RAP1A: variants seen among roughly 807,000 people sequenced by gnomAD.
The protein encoded by RAP1A is ras-related protein Rap-1A.
RAP1A carries 6 observed loss-of-function variants against 26.4 expected under a neutral mutation model. The ratio of observed to expected loss-of-function variants is 0.23; its 90% CI spans 0.12 to 0.45. The LOEUF (loss-of-function observed/expected upper bound fraction) is 0.45, where lower values mean the gene tolerates loss of function less well. Ranked by LOEUF, RAP1A falls within the 20% of genes least tolerant of loss-of-function variation. The pLI is 0.99. For synonymous variants in RAP1A, 73 were observed against 79.4 expected (o/e 0.92, Z 0.43); for missense variants, 121 against 217.2 (o/e 0.56, Z 2.78).
At chr1:111,641,350 G>T (rs551605042) in intron 1 of RAP1A, among the ~76,000 whole-genome samples, 4 of 152,254 alleles carry the variant, frequency 2.6e-5, no homozygotes, top group Non-Finnish European at 5.9e-5. Flanking sequence ...CTCCTTGAGA[G>T]GAGAGAACGT....
chr1:111,684,474 A>G (rs1216973751), intron 1 of RAP1A, among the ~76,000 whole-genome samples: 1 of 152,210 alleles, frequency 6.6e-6, no homozygotes, highest in Non-Finnish European at 1.5e-5. Context: ...ATGTGCAAAA[A>G]TCACAAACAT....
chr1:111,605,611 T>C (rs543419161), intron 1 of RAP1A, among the ~76,000 whole-genome samples: 17 of 152,336 alleles, frequency 1.1e-4, no homozygotes, highest in Non-Finnish European at 1.8e-4. Context: ...AAGATGTTTC[T>C]GTCTTGGTAG....
At chr1:111,618,345 A>C (rs573895906), upstream of RAP1A, among the ~76,000 whole-genome samples, 1 of 152,308 alleles carries the variant, frequency 6.6e-6, no homozygotes, top group East Asian at 1.9e-4. Context: ...GCAGTATCTG[A>C]TAAGACTCTT....
intron 2 of RAP1A, among the ~76,000 whole-genome samples, chr1:111,695,078 C>T (rs1661784354): frequency 6.6e-6 from 1 of 151,880 alleles, no homozygotes; most frequent in Non-Finnish European, 1.5e-5. Context: ...TATTTGTATC[C>T]TTGTATATTA....
intron 1 of RAP1A, among the ~76,000 whole-genome samples, chr1:111,652,887 T>C (rs1162573196): frequency 6.6e-6 from 1 of 152,136 alleles, no homozygotes; most frequent in East Asian, 1.9e-4. Flanking sequence ...AAGAAAAATA[T>C]AGAGTTATCT....
chr1:111,675,705 A>G (rs980166910), intron 1 of RAP1A, among the ~76,000 whole-genome samples: 7 of 152,212 alleles, frequency 4.6e-5, no homozygotes, highest in African/African-American at 1.7e-4. Context: ...ATTCAGAATA[A>G]TGATATTTGC....
intron 1 of RAP1A, among the ~76,000 whole-genome samples, chr1:111,678,157 C>A (rs1028493152): frequency 9.2e-5 from 14 of 152,280 alleles, no homozygotes; most frequent in Admixed American, 9.1e-4. Context: ...GTTATCTTGT[C>A]AGTTTCTACA....
intron 1 of RAP1A, among the ~76,000 whole-genome samples, chr1:111,548,329 T>A (rs1411201048): frequency 6.6e-6 from 1 of 152,204 alleles, no homozygotes; most frequent in Non-Finnish European, 1.5e-5. Context: ...CATGGACCAC[T>A]TTTTACCTCT....
At chr1:111,575,826 T>C (rs1658137988) in intron 1 of RAP1A, among the ~76,000 whole-genome samples, 2 of 152,312 alleles carry the variant, frequency 1.3e-5, no homozygotes, top group South Asian at 4.1e-4. Flanking sequence ...GGCATTTTGT[T>C]ATAGCAGCCT....
In RAP1A at chr1:111,713,104, G is replaced by A. The variant is rs868298086; in HGVS notation, c.*703G>A. The A allele has an allele frequency of 5.9e-5, 9 of 152,606 alleles. No homozygotes were observed. In the South Asian group the frequency reaches 1.7e-3, roughly 28 times the overall value. 9.5% of individuals were successfully genotyped at this position (152,606 alleles called of 1,614,324 possible). On this transcript the variant is annotated 3_prime_UTR_variant, in exon 8 of 8. Transcript: ENST00000369709. ...AGCTTTTATGGATGATTAAATTTTA[G>A]TACATTTTCATTTGGTTTGTGTGTT...
At chr1:111,676,968 A>T (rs983740885) in intron 1 of RAP1A, among the ~76,000 whole-genome samples, 1 of 151,848 alleles carries the variant, frequency 6.6e-6, no homozygotes. Flanking sequence ...TAATTTTTGT[A>T]TTTTTAGTAG....
intron 1 of RAP1A, among the ~76,000 whole-genome samples, chr1:111,548,192 T>G (rs1482822221): frequency 6.6e-6 from 1 of 152,210 alleles, no homozygotes; most frequent in Non-Finnish European, 1.5e-5. Flanking sequence ...GGCTAATTTT[T>G]GTGTTTTCAG....
intron 1 of RAP1A, among the ~76,000 whole-genome samples, chr1:111,689,183 ATGCAC>A (rs911523517): frequency 5.9e-5 from 9 of 151,990 alleles, no homozygotes; most frequent in Admixed American, 3.3e-4. Flanking sequence ...ATTTCTTCAA[ATGCAC>A]TGCTCCCCAT....
chr1:111,542,317 T>C (rs1420907906), exon 1 of RAP1A: 3 of 494,928 alleles, frequency 6.1e-6, no homozygotes, highest in Non-Finnish European at 8.1e-6. Flanking sequence ...GCAAAGAAGT[T>C]AAAAGAGAAG....
At chr1:111,704,790 C>A (rs1277217462) in intron 6 of RAP1A, among the ~76,000 whole-genome samples, 1 of 152,158 alleles carries the variant, frequency 6.6e-6, no homozygotes, top group Non-Finnish European at 1.5e-5. Flanking sequence ...ATTGTTACAT[C>A]ACCTTATATT....
At chr1:111,576,277 G>C (rs930764634) in intron 1 of RAP1A, among the ~76,000 whole-genome samples, 3 of 152,174 alleles carry the variant, frequency 2.0e-5, no homozygotes, top group African/African-American at 7.2e-5. Context: ...CCTAAGGAGA[G>C]TTATAAACCC....
chr1:111,683,154 G>C (rs898813214), intron 1 of RAP1A, among the ~76,000 whole-genome samples: 1 of 152,176 alleles, frequency 6.6e-6, no homozygotes, highest in African/African-American at 2.4e-5. Context: ...GAATCTCTGG[G>C]ACACAGCTAA....
chr1:111,578,227 G>A (rs1224964247), intron 1 of RAP1A, among the ~76,000 whole-genome samples: 3 of 152,132 alleles, frequency 2.0e-5, no homozygotes, highest in African/African-American at 4.8e-5. Flanking sequence ...GGTGGGCATG[G>A]GTCACCAAGA....
Position 111,562,620 on chromosome 1 carries a change from A to G in RAP1A, c.-28+20111A>G, listed in dbSNP as rs561353505. On this transcript the variant is annotated intron_variant, in intron 1 of 7. Coordinates refer to the RAP1A transcript ENST00000356415. ...AACATCCCACCAACATTTCAGGACT[A>G]AAATTGCCAATATTCCCTCCCTCTA... Among the ~76,000 whole-genome samples, 6 of 152,366 alleles carry G rather than the reference A, an allele frequency of 3.9e-5. No individual in the cohort carries two copies. In the South Asian group the frequency reaches 1.2e-3, roughly 32 times the overall value.
Sources: allele counts gnomAD v4.1 joint callset (sites outside exome capture counted in the v4.1 genomes callset), GRCh38; gene constraint gnomAD v4.1.1; transcripts MANE v1.5; gene names NCBI Gene and HGNC (gene_info 2026-07-23, HGNC 2026-07-21).